The following ITGA11 variants were observed in gnomAD, a reference collection of about 807,000 sequenced individuals.
ITGA11 encodes integrin subunit alpha 11.
A neutral mutation model predicts 141.9 loss-of-function variants in ITGA11; 97 were observed. The observed-to-expected ratio is 0.68, with a 90% CI of 0.58 to 0.81. ITGA11 has a LOEUF of 0.81. Among genes scored for constraint, ITGA11 ranks in the 30% least tolerant of loss-of-function variants. ITGA11 has a pLI of 0.00. For missense variants in ITGA11, 1,387 were observed against 1,559.2 expected, an observed-to-expected ratio of 0.89 and a Z score of 1.86; for synonymous variants, 658 against 624.6, an observed-to-expected ratio of 1.05 and a Z score of -0.80.
chr15:68,316,097 C>T (rs945152289), intron 21 of ITGA11, among the ~76,000 whole-genome samples: 1 of 152,320 alleles, frequency 6.6e-6, no homozygotes, highest in Admixed American at 6.5e-5. Context: ...CAGGAAGGGC[C>T]GATGGCCATC....
chr15:68,335,585 AC>A lies in ITGA11; in HGVS notation c.1425+111del, dbSNP rs1894321420. The A allele has an allele frequency of 3.2e-6, 4 of 1,244,156 alleles. No homozygotes were observed. In the African/African-American group the frequency reaches 5.9e-5, roughly 18 times the overall value. The allele number at this position is 1,244,156 out of a possible 1,614,324, so 77.1% of individuals were successfully genotyped here. Reference sequence around the variant, plus strand: ...GCATGAAGGTGGCTGGAGGAACATGACTGCCCTTTGGGGCACCCAGTGGTCC... The same window carrying A: ...GCATGAAGGTGGCTGGAGGAACATGATGCCCTTTGGGGCACCCAGTGGTCC... On this transcript the variant is annotated intron_variant, in intron 12 of 29. Coordinates refer to ENST00000315757, the MANE Select transcript of ITGA11 (RefSeq NM_001004439.2). The surrounding 1 kb of genome is among the most constrained non-coding windows in gnomAD (Gnocchi z 4.9).
intron 2 of ITGA11, among the ~76,000 whole-genome samples, chr15:68,369,583 AG>A (rs1031359659): frequency 2.0e-5 from 3 of 152,164 alleles, no homozygotes; most frequent in African/African-American, 7.2e-5. Context: ...CTGGTAGAGG[AG>A]GGGGCGATGT....
At chr15:68,367,461 C>G (rs1895459410) in intron 3 of ITGA11, among the ~76,000 whole-genome samples, 1 of 152,150 alleles carries the variant, frequency 6.6e-6, no homozygotes, top group African/African-American at 2.4e-5. Context: ...GCTCCGCCCC[C>G]ACCTGTAACC....
At chr15:68,389,228 C>A (rs1030984084) in intron 2 of ITGA11, among the ~76,000 whole-genome samples, 1 of 152,274 alleles carries the variant, frequency 6.6e-6, no homozygotes, top group African/African-American at 2.4e-5. Context: ...CCCATGAACA[C>A]CTGAGATCCT....
chr15:68,369,284 C>G lies in ITGA11; in HGVS notation c.165G>C (p.Trp55Cys), dbSNP rs759432119. 1 of 1,606,178 alleles carries G rather than the reference C, an allele frequency of 6.2e-7. No homozygotes were observed. Among genetic ancestry groups the G allele is most frequent in the South Asian group, 1.1e-5 (1 of 90,970 alleles). The change falls in exon 3 of 30, where the codon TGG (tryptophan) becomes TGC (cysteine). Residue 55 changes from tryptophan to cysteine, a missense_variant and splice_region_variant. Coordinates refer to ENST00000315757, the MANE Select transcript of ITGA11 (RefSeq NM_001004439.2). ...VQQHDISGNK[W>C]LVVGAPLETN... ...TTTCCAGTGGGGCGCCCACGACCAG[C>G]CTGGGAAGGAAGAGAAGATGAGCAA... is the stretch of plus-strand genomic sequence containing the variant.
chr15:68,316,316 G>A (rs997554629), intron 21 of ITGA11, among the ~76,000 whole-genome samples: 5 of 152,214 alleles, frequency 3.3e-5, no homozygotes, highest in Admixed American at 6.5e-5. Flanking sequence ...CCTTCGCCCC[G>A]CGGTGGGGAA....
chr15:68,384,226 C>T (rs1363370104), intron 2 of ITGA11, among the ~76,000 whole-genome samples: 1 of 146,562 alleles, frequency 6.8e-6, no homozygotes, highest in Admixed American at 6.9e-5. Context: ...TCACTGACAT[C>T]TCTTCAATTT....
intron 2 of ITGA11, among the ~76,000 whole-genome samples, chr15:68,380,385 G>C (rs1895829792): frequency 6.6e-6 from 1 of 152,172 alleles, no homozygotes; most frequent in South Asian, 2.1e-4. Context: ...TGAGGGACTT[G>C]GACACATTCT....
In ITGA11 at chr15:68,307,612, T is replaced by C. The variant is rs192666376; in HGVS notation, c.3259A>G (p.Asn1087Asp). 1.7e-4 allele frequency: 281 copies of C among 1,613,450 alleles called. No individual in the cohort carries two copies. In the African/African-American group the frequency reaches 3.5e-3, roughly 20 times the overall value. Residue 1087 changes from asparagine (N) to aspartate (D), a missense_variant, in exon 27 of 30, where the codon AAC becomes GAC. Physicochemically the swap from Asn to Asp is conservative, Grantham distance 23. Transcript: ENST00000315757. This position sits in a 1 kb window ranked among gnomAD's most constrained non-coding sequence, Gnocchi z 6.1. ...GCTTTTAGGGACCTCAACCACAGGT[T>C]CCCCAGTAGATGGAAATTGATTTCC... ...NQEINFHLLG[N>D]LWLRSLKALK...
At chr15:68,309,597 T>A (rs1893311058) in intron 26 of ITGA11, among the ~76,000 whole-genome samples, 1 of 147,268 alleles carries the variant, frequency 6.8e-6, no homozygotes, top group Non-Finnish European at 1.5e-5. Flanking sequence ...GTCCTTTTTT[T>A]TTTTTTTTTT....
intron 15 of ITGA11, 102 bp downstream of exon 15, chr15:68,330,879 T>C (rs2140301956): frequency 7.0e-7 from 1 of 1,418,796 alleles, no homozygotes; most frequent in East Asian, 2.4e-5. Context: ...CTGAGGGCAG[T>C]TAAAGACAAG....
intron 2 of ITGA11, among the ~76,000 whole-genome samples, chr15:68,400,850 T>A (rs1408315966): frequency 1.2e-5 from 1 of 81,238 alleles, no homozygotes; most frequent in Admixed American, 2.3e-4. Flanking sequence ...ATATTATATA[T>A]TATATAATAA....
intron 7 of ITGA11, among the ~76,000 whole-genome samples, chr15:68,355,394 T>C (rs547469941): frequency 2.1e-4 from 32 of 152,268 alleles, no homozygotes; most frequent in Admixed American, 1.4e-3. Context: ...GTTGGAAAAG[T>C]CTTAATCTTT....
rs78231235 is a variant in ITGA11, at chr15:68,389,109, T to A, written c.164+13809A>T. ...ATCTGCTGTACTCCTCTCACCCATGTGTACTCTGAACATTGGAATCCTATC... is the reference window on the plus strand; with the variant it reads ...ATCTGCTGTACTCCTCTCACCCATGAGTACTCTGAACATTGGAATCCTATC... On this transcript the variant is annotated intron_variant, in intron 2 of 29. Transcript: ENST00000315757. 0.018 allele frequency among the ~76,000 whole-genome samples: 2,710 copies of A among 152,282 alleles called. 205 individuals are homozygous for A. In the East Asian group the frequency reaches 0.2, roughly 11 times the overall value.
Position 68,312,863 on chromosome 15 carries a change from C to A in ITGA11, c.2883G>T (p.Arg961Ser). 6.2e-7 allele frequency: 1 copy of A among 1,610,460 alleles called. No homozygotes were observed. The highest frequency in any genetic ancestry group is 1.1e-5 in the South Asian group (1 of 90,934). ...CCTCGTAGTGGCTCAGGCTGCTGCTCCTGCGGAGACAGAGGACAGGGCTGT... is the reference window on the plus strand; with the variant it reads ...CCTCGTAGTGGCTCAGGCTGCTGCTACTGCGGAGACAGAGGACAGGGCTGT... ...LKYEADVLFT[R>S]SSSLSHYEVK... is the part of the protein sequence containing the mutation. The change falls in exon 24 of 30, where the codon AGG becomes AGT. Residue 961 changes from arginine (R) to serine (S), a missense_variant and splice_region_variant. By Grantham distance (110) the Arg-to-Ser change is moderately radical. Coordinates refer to ENST00000315757, the MANE Select transcript of ITGA11 (RefSeq NM_001004439.2).
In ITGA11 at chr15:68,395,053, C is replaced by T. The variant is rs537988260; in HGVS notation, c.164+7865G>A. 3.0e-4 allele frequency among the ~76,000 whole-genome samples: 46 copies of T among 152,250 alleles called. 1 individual carries two copies. The East Asian group carries it at 3.3e-3, about 11-fold the overall frequency. On this transcript the variant is annotated intron_variant, in intron 2 of 29. Transcript: ENST00000315757. ...GCAAACAGGGTCTGGAGTGGACCTC[C>T]TGCAAACTCCAACAGACCTGCAGCT...
Position 68,310,978 on chromosome 15 carries a change from T to A in ITGA11, c.3174+16A>T. On this transcript the variant is annotated intron_variant, in intron 26 of 29. Coordinates refer to ENST00000315757, the MANE Select transcript of ITGA11 (RefSeq NM_001004439.2). ...TAACCCCAACCACTGTGGCTCTCGG[T>A]CTGGGGGACACTCACCAGCTGTGGA... 1 of 1,586,686 alleles carries A rather than the reference T, an allele frequency of 6.3e-7. No homozygotes were observed. The highest frequency in any genetic ancestry group is 1.1e-5 in the South Asian group (1 of 87,294).
At chr15:68,366,434 C>T (rs1272587329) in intron 3 of ITGA11, among the ~76,000 whole-genome samples, 5 of 152,166 alleles carry the variant, frequency 3.3e-5, no homozygotes, top group Admixed American at 2.0e-4. Flanking sequence ...CATCTGATGG[C>T]ATCACGGTGG....
intron 1 of ITGA11, among the ~76,000 whole-genome samples, chr15:68,424,338 G>A (rs74022220): frequency 0.041 from 6,233 of 152,266 alleles, 430 homozygotes; most frequent in African/African-American, 0.14. Flanking sequence ...TACCACTGGT[G>A]TTGTGTGACC....
Sources: allele counts gnomAD v4.1 joint callset (sites outside exome capture counted in the v4.1 genomes callset), GRCh38; gene constraint gnomAD v4.1.1; non-coding constraint Gnocchi (gnomAD v3.1); transcripts MANE v1.5; gene names NCBI Gene and HGNC (gene_info 2026-07-23, HGNC 2026-07-21).